PLPP4: variants seen among roughly 807,000 people sequenced by gnomAD.
PLPP4 encodes the protein phospholipid phosphatase 4.
Under a neutral mutation model 32.2 loss-of-function variants are expected in PLPP4, and 20 were observed. The observed-to-expected ratio is 0.62, with a 90% CI of 0.44 to 0.90. The LOEUF (loss-of-function observed/expected upper bound fraction) is 0.90. Ranked by LOEUF, PLPP4 falls within the 40% of genes least tolerant of loss-of-function variation. The probability of loss-of-function intolerance (pLI) is 0.00; values close to 1 mark genes in which losing one functional copy is unlikely to be tolerated. For missense variants in PLPP4, 257 were observed against 353.1 expected (o/e 0.73, Z 2.18); for synonymous variants, 127 against 133.0 (o/e 0.95, Z 0.31).
At chr10:120,569,868 G>A (rs1848852148) in intron 5 of PLPP4, among the ~76,000 whole-genome samples, 2 of 152,198 alleles carry the variant, frequency 1.3e-5, no homozygotes, top group African/African-American at 4.8e-5. Context: ...ACCCTGATGG[G>A]CATGTCCCTA....
chr10:120,489,029 G>C (rs1326288245), intron 1 of PLPP4, among the ~76,000 whole-genome samples: 4 of 152,174 alleles, frequency 2.6e-5, no homozygotes, highest in African/African-American at 9.7e-5. Flanking sequence ...AAATTGATCA[G>C]CTGATCCTTC....
At chr10:120,504,272 A>G (rs1845396421) in intron 2 of PLPP4, among the ~76,000 whole-genome samples, 1 of 152,202 alleles carries the variant, frequency 6.6e-6, no homozygotes, top group Non-Finnish European at 1.5e-5. Flanking sequence ...GGCAATTTTT[A>G]TCCCTTATGC....
chr10:120,474,176 G>A (rs188144951), intron 1 of PLPP4, among the ~76,000 whole-genome samples: 90 of 152,196 alleles, frequency 5.9e-4, no homozygotes, highest in African/African-American at 2.0e-3. Context: ...AAATATATGA[G>A]TTCAATCAGC....
At chr10:120,533,944 C>G (rs147896451) in intron 5 of PLPP4, among the ~76,000 whole-genome samples, 16 of 152,250 alleles carry the variant, frequency 1.1e-4, no homozygotes, top group Middle Eastern at 3.4e-3. Flanking sequence ...GTAGGAACAA[C>G]AATGCAATTA....
Position 120,590,628 on chromosome 10 carries a change from C to T in PLPP4, c.*1126C>T, listed in dbSNP as rs115420812. 7.1e-3 allele frequency among the ~76,000 whole-genome samples: 1,078 copies of T among 152,252 alleles called. 19 individuals carry two copies. The highest frequency in any genetic ancestry group is 0.024 in the African/African-American group (1,010 of 41,538). ...CCTTTTTCAGTCTGAGTATAGAGCA[C>T]GCTGCTCCTTGGCCAGCTAGTTTTT... On this transcript the variant is annotated 3_prime_UTR_variant, in exon 7 of 7. Coordinates refer to ENST00000398250, the MANE Select transcript of PLPP4 (RefSeq NM_001030059.3).
At chr10:120,585,734 G>A (rs1162567487) in intron 6 of PLPP4, among the ~76,000 whole-genome samples, 1 of 152,172 alleles carries the variant, frequency 6.6e-6, no homozygotes, top group Non-Finnish European at 1.5e-5. Flanking sequence ...TTGGATCGGG[G>A]GTGAGGATAA....
At chr10:120,562,118 G>T (rs1267182747) in intron 5 of PLPP4, among the ~76,000 whole-genome samples, 1 of 152,068 alleles carries the variant, frequency 6.6e-6, no homozygotes, top group Admixed American at 6.6e-5. Flanking sequence ...GTCTTTTAGT[G>T]GTTTTATCCT....
rs374815479 is a variant in PLPP4 at position 120,469,942 on chromosome 10, G to T, written c.56+12581G>T. Among the ~76,000 whole-genome samples, 186 of 152,286 alleles carry T rather than the reference G, an allele frequency of 1.2e-3. 2 individuals carry two copies. The South Asian group carries it at 0.025, about 21-fold the overall frequency. ...TGAAAAACAATATTGCAGTTGTTGTGTACATTGTAGTGCACCTGTTCAAGT... is the reference window on the plus strand; with the variant it reads ...TGAAAAACAATATTGCAGTTGTTGTTTACATTGTAGTGCACCTGTTCAAGT... On this transcript the variant is annotated intron_variant, in intron 1 of 6. Transcript: ENST00000398250.
At chr10:120,479,319 C>G (rs1025830118) in intron 1 of PLPP4, among the ~76,000 whole-genome samples, 1 of 152,214 alleles carries the variant, frequency 6.6e-6, no homozygotes, top group Non-Finnish European at 1.5e-5. Context: ...AAATAATTTT[C>G]TGATTTACAT....
intron 5 of PLPP4, among the ~76,000 whole-genome samples, chr10:120,551,285 A>ACAAAATAT (rs1847890697): frequency 6.6e-6 from 1 of 152,222 alleles, no homozygotes; most frequent in Non-Finnish European, 1.5e-5. Context: ...CTGGTGATGT[A>ACAAAATAT]TAAATTGTTA....
intron 5 of PLPP4, among the ~76,000 whole-genome samples, chr10:120,549,096 A>G (rs556531933): frequency 6.2e-4 from 94 of 151,436 alleles, no homozygotes; most frequent in Non-Finnish European, 5.2e-4. Context: ...TATTATTATT[A>G]TTATTATTGT....
At chr10:120,475,329 C>T (rs538158481) in intron 1 of PLPP4, among the ~76,000 whole-genome samples, 2 of 152,204 alleles carry the variant, frequency 1.3e-5, no homozygotes, top group African/African-American at 4.8e-5. Flanking sequence ...CTGGGCCCAG[C>T]ACCTCAATGT....
chr10:120,477,511 A>G (rs1383464605), intron 1 of PLPP4, among the ~76,000 whole-genome samples: 1 of 152,170 alleles, frequency 6.6e-6, no homozygotes, highest in African/African-American at 2.4e-5. Context: ...CTGAGCTGGA[A>G]ATCACAAACT....
intron 1 of PLPP4, among the ~76,000 whole-genome samples, chr10:120,479,474 A>G (rs1279568650): frequency 3.3e-5 from 5 of 151,882 alleles, no homozygotes; most frequent in Non-Finnish European, 5.9e-5. Context: ...TGTTTTTCTT[A>G]TGGCATTTAT....
At chr10:120,509,067 C>T (rs1589790501) in intron 2 of PLPP4, among the ~76,000 whole-genome samples, 1 of 152,168 alleles carries the variant, frequency 6.6e-6, no homozygotes, top group South Asian at 2.1e-4. Flanking sequence ...CTCTTAGCAC[C>T]TTACTTTCTT....
chr10:120,481,808 T>C (rs2133818395), intron 1 of PLPP4, among the ~76,000 whole-genome samples: 1 of 152,318 alleles, frequency 6.6e-6, no homozygotes, highest in Non-Finnish European at 1.5e-5. Context: ...CCAAATCTCA[T>C]CTTGAATTCC....
At chr10:120,507,207 A>T (rs1284245393) in intron 2 of PLPP4, among the ~76,000 whole-genome samples, 1 of 152,118 alleles carries the variant, frequency 6.6e-6, no homozygotes, top group Non-Finnish European at 1.5e-5. Context: ...GCTATAGGGG[A>T]TGAGAAGTCC....
chr10:120,557,815 T>C (rs117082457), intron 5 of PLPP4, among the ~76,000 whole-genome samples: 2,235 of 152,284 alleles, frequency 0.015, 35 homozygotes, highest in Non-Finnish European at 0.017. Flanking sequence ...ATGGTCTGAC[T>C]TGCCTGATGA....
At chr10:120,584,652 C>T (rs1303656379) in intron 6 of PLPP4, among the ~76,000 whole-genome samples, 2 of 152,182 alleles carry the variant, frequency 1.3e-5, no homozygotes, top group East Asian at 1.9e-4. Flanking sequence ...GCTTGCCTGT[C>T]TATCAAGAGG....
Sources: gnomAD v4.1 joint callset for allele counts (sites outside exome capture counted in the v4.1 genomes callset) on GRCh38, gnomAD v4.1.1 for gene constraint, MANE v1.5 for transcripts, NCBI Gene and HGNC (gene_info 2026-07-23, HGNC 2026-07-21) for gene names.